PDE10A: variants seen among roughly 807,000 people sequenced by gnomAD.
PDE10A encodes cAMP and cAMP-inhibited cGMP 3',5'-cyclic phosphodiesterase 10A.
PDE10A carries 39 observed loss-of-function variants against 97.7 expected under a neutral mutation model. That is an observed-to-expected ratio of 0.40 (90% CI 0.31 to 0.52). PDE10A has a LOEUF of 0.52. Among genes scored for constraint, PDE10A ranks in the 20% least tolerant of loss-of-function variants. The pLI is 0.56. For missense variants in PDE10A, 731 were observed against 1,047.8 expected, an observed-to-expected ratio of 0.70 and a Z score of 4.17; for synonymous variants, 371 against 376.8, an observed-to-expected ratio of 0.98 and a Z score of 0.18.
chr6:165,794,579 ACACACACATATTCACT>A (rs1214166971), intron 1 of PDE10A, among the ~76,000 whole-genome samples: 2 of 125,474 alleles, frequency 1.6e-5, no homozygotes, highest in African/African-American at 5.5e-5. Context: ...ACACATTCCT[ACACACACATATTCACT>A]CACACACTCA....
intron 3 of PDE10A, among the ~76,000 whole-genome samples, chr6:165,455,491 A>G (rs1377381252): frequency 6.6e-6 from 1 of 152,232 alleles, no homozygotes; most frequent in Non-Finnish European, 1.5e-5. Context: ...AACAGGATAA[A>G]TCAATTAATT....
At chr6:165,471,592 CCCTCCCATGGAGGG>C (rs750734554) in intron 3 of PDE10A, among the ~76,000 whole-genome samples, 22 of 152,248 alleles carry the variant, frequency 1.4e-4, no homozygotes, top group Non-Finnish European at 1.9e-4. Flanking sequence ...ATCCTGCAGG[CCCTCCCATGGAGGG>C]CCTCCCAGCC....
chr6:165,361,104 T>C (rs1783390392), intron 18 of PDE10A, among the ~76,000 whole-genome samples: 1 of 152,198 alleles, frequency 6.6e-6, no homozygotes, highest in Admixed American at 6.5e-5. Flanking sequence ...GAAGATGACA[T>C]AATCTTATGT....
At chr6:165,788,518 C>CAAAAAAAAAAAAAAAAAAAAAAAAAA (rs56927613) in intron 1 of PDE10A, among the ~76,000 whole-genome samples, 3 of 74,762 alleles carry the variant, frequency 4.0e-5, no homozygotes, top group African/African-American at 6.1e-5. Context: ...AACTCTGTCT[C>CAAAAAAAAAAAAAAAAAAAAAAAAAA]AAAAAAAAAA....
intron 9 of PDE10A, among the ~76,000 whole-genome samples, chr6:165,429,730 A>G (rs1789420998): frequency 1.3e-5 from 2 of 152,104 alleles, no homozygotes; most frequent in Admixed American, 6.6e-5. Flanking sequence ...CTCCTGTAGT[A>G]AATAAAACCA....
chr6:165,706,344 T>C (rs755039022), intron 1 of PDE10A, among the ~76,000 whole-genome samples: 2 of 152,202 alleles, frequency 1.3e-5, no homozygotes, highest in African/African-American at 2.4e-5. Flanking sequence ...TTCCTAGATA[T>C]CTCAGTATCA....
intron 2 of PDE10A, among the ~76,000 whole-genome samples, chr6:165,482,803 A>G (rs604428): frequency 0.32 from 48,009 of 152,032 alleles, 8,524 homozygotes; most frequent in African/African-American, 0.48. Context: ...CCTGCATGGC[A>G]CTCTGGTCAA....
chr6:165,486,253 A>T (rs1361785167), intron 2 of PDE10A, among the ~76,000 whole-genome samples: 1 of 152,230 alleles, frequency 6.6e-6, no homozygotes, highest in Non-Finnish European at 1.5e-5. Context: ...GTTGCCAACG[A>T]ACACCACAGC....
intron 5 of PDE10A, among the ~76,000 whole-genome samples, chr6:165,440,317 GTGAA>G (rs71678119): frequency 0.18 from 26,666 of 152,034 alleles, 2,825 homozygotes; most frequent in Admixed American, 0.27. Context: ...AGTATTTCTG[GTGAA>G]TGTTTAATGT....
rs1164116330 is a variant in PDE10A, at chr6:165,946,351, CG to C, written c.-615+41177del. On this transcript the variant is annotated intron_variant, in intron 1 of 19. Coordinates refer to the PDE10A transcript ENST00000366882. ...CTCTACTAAAATAAAAAACATTAGC[CG>C]GGTGTGCTGGCATGCGCCTGTAGTC... Among the ~76,000 whole-genome samples, 3 of 152,084 alleles carry C rather than the reference CG, an allele frequency of 2.0e-5. No homozygotes were observed. In the East Asian group the frequency reaches 5.8e-4, roughly 29 times the overall value.
At chr6:165,500,848 T>C (rs1780829363) in intron 2 of PDE10A, among the ~76,000 whole-genome samples, 1 of 152,158 alleles carries the variant, frequency 6.6e-6, no homozygotes, top group Non-Finnish European at 1.5e-5. Context: ...GAAAACCGCC[T>C]TAGGGCTGAA....
At chr6:165,823,499 TA>T (rs1562754398) in intron 1 of PDE10A, among the ~76,000 whole-genome samples, 2 of 72,000 alleles carry the variant, frequency 2.8e-5, no homozygotes, top group Non-Finnish European at 6.9e-5. Context: ...TATATATATA[TA>T]TATATATATA....
intron 2 of PDE10A, among the ~76,000 whole-genome samples, chr6:165,510,785 T>C (rs940778762): frequency 6.6e-6 from 1 of 152,092 alleles, no homozygotes; most frequent in Non-Finnish European, 1.5e-5. Flanking sequence ...TTTATCCATT[T>C]CCTCTAGGTT....
At chr6:165,498,735 T>G (rs1780698613) in intron 2 of PDE10A, among the ~76,000 whole-genome samples, 2 of 152,168 alleles carry the variant, frequency 1.3e-5, no homozygotes, top group East Asian at 1.9e-4. Flanking sequence ...ATTGTCTCAT[T>G]TTGAAGAATC....
At chr6:165,562,102 A>C (rs961530597) in intron 1 of PDE10A, among the ~76,000 whole-genome samples, 1 of 152,156 alleles carries the variant, frequency 6.6e-6, no homozygotes, top group African/African-American at 2.4e-5. Context: ...AAGAAATGAA[A>C]GCATCTTCCT....
intron 1 of PDE10A, among the ~76,000 whole-genome samples, chr6:165,758,513 G>GAAGA (rs1252081300): frequency 3.1e-5 from 4 of 130,976 alleles, no homozygotes; most frequent in Non-Finnish European, 7.0e-5. Flanking sequence ...AAAGAAGAAA[G>GAAGA]AAGAAGAAGA....
chr6:165,546,560 T>C (rs1783751717), intron 1 of PDE10A, among the ~76,000 whole-genome samples: 3 of 152,080 alleles, frequency 2.0e-5, no homozygotes. Flanking sequence ...GGTGCTAACC[T>C]ATAGAACTTT....
intron 2 of PDE10A, among the ~76,000 whole-genome samples, chr6:165,520,550 AG>A (rs1166974862): frequency 6.6e-6 from 1 of 152,158 alleles, no homozygotes; most frequent in Non-Finnish European, 1.5e-5. Context: ...AGCATCTAGG[AG>A]AGTAGAGCCC....
intron 1 of PDE10A, among the ~76,000 whole-genome samples, chr6:165,639,658 G>C (rs1439236961): frequency 2.8e-5 from 4 of 143,698 alleles, no homozygotes; most frequent in African/African-American, 1.0e-4. Flanking sequence ...AGAATTCCTT[G>C]AACATGAGTG....
Sources: allele counts gnomAD v4.1 joint callset (sites outside exome capture counted in the v4.1 genomes callset), GRCh38; gene constraint gnomAD v4.1.1; transcripts MANE v1.5; gene names NCBI Gene and HGNC (gene_info 2026-07-23, HGNC 2026-07-21).